SEC16A: variants seen among roughly 807,000 people sequenced by gnomAD.
SEC16A encodes SEC16 homolog A, endoplasmic reticulum export factor.
SEC16A carries 110 observed loss-of-function variants against 221.9 expected under a neutral mutation model. The observed-to-expected ratio is 0.50, with a 90% CI of 0.42 to 0.58. The LOEUF is 0.58. SEC16A is among the 20% of genes least tolerant of loss of function. The probability of loss-of-function intolerance (pLI) is 0.00; values close to 1 mark genes in which losing one functional copy is unlikely to be tolerated. For missense variants in SEC16A, 3,165 were observed against 3,097.8 expected, an observed-to-expected ratio of 1.02 and a Z score of -0.52; for synonymous variants, 1,393 against 1,257.7, an observed-to-expected ratio of 1.11 and a Z score of -2.28.
At chr9:136,482,834 C>T in intron 1 of SEC16A, 104 bp downstream of exon 1, 1 of 317,080 alleles carries the variant, frequency 3.2e-6, no homozygotes, top group Non-Finnish European at 4.6e-6. Context: ...TGGGCCCAGC[C>T]GCCTCCTCTC....
rs369856738 is a variant in SEC16A at position 136,475,439 on chromosome 9, C to A, written c.2177G>T (p.Trp726Leu). Reference sequence around the variant, plus strand: ...AAAATCTGGCAGCTCACTTTGCGCCCACAGAGTCGTTGCTGGGCTCTCACA... The same window carrying A: ...AAAATCTGGCAGCTCACTTTGCGCCAACAGAGTCGTTGCTGGGCTCTCACA... ...VKCESPATTL[W>L]AQSELPDFGG... Residue 726 changes from tryptophan (W) to leucine (L), a missense_variant, in exon 3 of 32, where the codon TGG becomes TTG. By Grantham distance (61) the Trp-to-Leu change is moderately conservative. This residue lies in a region of SEC16A where 2,030 missense variants were observed against 1,923.1 expected (regional missense o/e 1.06). Coordinates refer to ENST00000684901, the MANE Select transcript of SEC16A (RefSeq NM_014866.2). This position sits in a 1 kb window ranked among gnomAD's most constrained non-coding sequence, Gnocchi z 5.0. The A allele has an allele frequency of 2.5e-6, 4 of 1,610,440 alleles. No homozygotes were observed. In the African/African-American group the frequency reaches 5.3e-5, roughly 22 times the overall value.
chr9:136,469,637 G>C (rs1840604329), intron 4 of SEC16A, among the ~76,000 whole-genome samples: 1 of 152,228 alleles, frequency 6.6e-6, no homozygotes, highest in African/African-American at 2.4e-5. Context: ...CTGCACTCCA[G>C]CCTGGCTAAA....
chr9:136,456,377 G>A (rs545159872), intron 18 of SEC16A, among the ~76,000 whole-genome samples: 19 of 152,194 alleles, frequency 1.2e-4, no homozygotes, highest in Non-Finnish European at 2.4e-4. Context: ...CTTGGCCCAC[G>A]GGCACTGGGT....
intron 21 of SEC16A, among the ~76,000 whole-genome samples, chr9:136,453,730 A>G (rs546117739): frequency 4.9e-4 from 75 of 152,358 alleles, no homozygotes; most frequent in African/African-American, 1.8e-3. Flanking sequence ...ACATGTAGAC[A>G]TAGGCACAGA....
At chr9:136,457,364 C>T (rs548349888) in intron 18 of SEC16A, 80 bp downstream of exon 18, 4 of 1,480,690 alleles carry the variant, frequency 2.7e-6, no homozygotes, top group South Asian at 2.6e-5. Context: ...CCATCGCTAC[C>T]CCCATGCCCG....
At chr9:136,461,371 AC>A (rs1208419199) in intron 12 of SEC16A, 97 bp from the exon 13 acceptor site, 9 of 851,644 alleles carry the variant, frequency 1.1e-5, no homozygotes, top group Non-Finnish European at 1.8e-5. Flanking sequence ...CAGCAGATAC[AC>A]AAACAACCCA....
At position 136,474,753 on chromosome 9, in the gene SEC16A, C is replaced by G; in HGVS notation, c.2863G>C (p.Ala955Pro). The G allele has an allele frequency of 2.5e-6, 4 of 1,613,938 alleles. No homozygotes were observed. Among genetic ancestry groups the G allele is most frequent in the Non-Finnish European group, 3.4e-6 (4 of 1,179,900 alleles). Residue 955 changes from alanine to proline, a missense_variant, in exon 3 of 32, where the codon GCT becomes CCT. Transcript: ENST00000684901. ...CTTGTGCTTCCAGCAGGGCTATTAG[C>G]AAATCCGGGAAGAGCACTTCCTGCC... ...RKAGSALPGF[A>P]NSPAGSTSVV...
intron 9 of SEC16A, 79 bp downstream of exon 9, chr9:136,464,341 T>C (rs1159051676): frequency 9.5e-6 from 13 of 1,365,974 alleles, no homozygotes; most frequent in East Asian, 2.4e-5. Context: ...GGTCTGACAA[T>C]TGAAGATGAC....
intron 12 of SEC16A, 71 bp downstream of exon 12, chr9:136,462,816 G>C: frequency 6.5e-7 from 1 of 1,541,484 alleles, no homozygotes; most frequent in South Asian, 1.2e-5. Context: ...CTCCCTGAAG[G>C]CTGCAACCCC....
At chr9:136,478,108 TAAGA>T (rs1359114369) in intron 2 of SEC16A, among the ~76,000 whole-genome samples, 1 of 152,158 alleles carries the variant, frequency 6.6e-6, no homozygotes, top group Non-Finnish European at 1.5e-5. Context: ...ACTCTTCTAT[TAAGA>T]AAGAAAAACT....
chr9:136,483,072 A>G, upstream of SEC16A: 1 of 966,590 alleles, frequency 1.0e-6, no homozygotes, highest in Non-Finnish European at 1.2e-6. Context: ...CGCGCCGCCG[A>G]CGTGTCCGGC....
rs377097674 is a variant in SEC16A, at chr9:136,472,055, A to G, written c.3624T>C (p.Ala1208=). The change falls in exon 4 of 32, where the codon GCT becomes GCC. Residue 1208 remains alanine (A), a synonymous_variant. Transcript: ENST00000684901. ...RYRPYDGAAS[A]YAQNYRYPEP... ...CGGGATAGCGGTAGTTCTGGGCGTAAGCAGACGCAGCACCATCATAGGGCC... is the reference window on the plus strand; with the variant it reads ...CGGGATAGCGGTAGTTCTGGGCGTAGGCAGACGCAGCACCATCATAGGGCC... The G allele has an allele frequency of 4.9e-5, 79 of 1,613,400 alleles. No individual in the cohort carries two copies. Among genetic ancestry groups the G allele is most frequent in the Non-Finnish European group, 6.8e-6 (8 of 1,179,892 alleles).
chr9:136,449,205 G>A (rs1484358071), intron 23 of SEC16A, among the ~76,000 whole-genome samples: 3 of 152,154 alleles, frequency 2.0e-5, no homozygotes, highest in African/African-American at 2.4e-5. Flanking sequence ...TGGAGAATTC[G>A]GTTATTAGGA....
chr9:136,484,330 G>A (rs1476895129), upstream of SEC16A: 10 of 1,134,812 alleles, frequency 8.8e-6, no homozygotes, highest in East Asian at 6.6e-4. Flanking sequence ...CCACGGCCAG[G>A]CCAGGCAGCA....
At position 136,455,758 on chromosome 9, in the gene SEC16A, G is replaced by A. The variant is rs1374695629; in HGVS notation, c.5700C>T (p.Leu1900=). 7 of 1,601,138 alleles carry A rather than the reference G, an allele frequency of 4.4e-6. No homozygotes were observed. The highest frequency in any genetic ancestry group is 6.0e-6 in the Non-Finnish European group (7 of 1,174,194). The change falls in exon 20 of 32, where the codon CTC becomes CTT. Residue 1900 remains leucine (L), a synonymous_variant. Transcript: ENST00000684901. ...GAGVWHQDGA[L]PQQCPGTPSS... ...TCGGAGTGCCAGGACACTGCTGCGG[G>A]AGGGCTCCATCCTGATGCCATACTC...
chr9:136,481,501 G>C (rs965990942), intron 1 of SEC16A, among the ~76,000 whole-genome samples: 6 of 152,208 alleles, frequency 3.9e-5, no homozygotes, highest in African/African-American at 1.2e-4. Flanking sequence ...GAGGCCAGCT[G>C]ATCTTGAAAA....
chr9:136,470,115 G>A (rs1840664811), intron 4 of SEC16A, among the ~76,000 whole-genome samples: 1 of 152,240 alleles, frequency 6.6e-6, no homozygotes. Flanking sequence ...CACAAGCACG[G>A]AGGCTGAACA....
chr9:136,464,422 C>T lies in SEC16A; in HGVS notation c.4444G>A (p.Glu1482Lys). The T allele has an allele frequency of 6.2e-7, 1 of 1,607,240 alleles. No individual in the cohort carries two copies. The highest frequency in any genetic ancestry group is 1.1e-5 in the South Asian group (1 of 90,934). ...CACGCTTCTGCGTGTGCCATTACCT[C>T]CATGCTGTGGACCTCCACCAAGGCC... ...QPALVEVHSMEALLQHTSEQE... is the reference protein window; with the variant it reads ...QPALVEVHSMKALLQHTSEQE... Residue 1482 changes from glutamate (E) to lysine (K), a missense_variant and splice_region_variant, in exon 9 of 32, where the codon GAG becomes AAG. Glu to Lys is a moderately conservative substitution (Grantham distance 56, BLOSUM62 1). Around this residue, in one of 3 missense-constraint regions of SEC16A, gnomAD observed 47 missense variants for 85.0 expected, o/e 0.55. Coordinates refer to ENST00000684901, the MANE Select transcript of SEC16A (RefSeq NM_014866.2).
chr9:136,483,312 C>T (rs934033015), upstream of SEC16A, among the ~76,000 whole-genome samples: 7 of 125,656 alleles, frequency 5.6e-5, no homozygotes, highest in South Asian at 9.6e-4. Context: ...CACGCCTTAT[C>T]CTGTAGTTCC....
Sources: allele counts gnomAD v4.1 joint callset (sites outside exome capture counted in the v4.1 genomes callset), GRCh38; gene constraint gnomAD v4.1.1; regional missense constraint gnomAD v4.1.1; non-coding constraint Gnocchi (gnomAD v3.1); transcripts MANE v1.5; gene names NCBI Gene and HGNC (gene_info 2026-07-23, HGNC 2026-07-21).